Variants in NXN observed in about 807,000 individuals in gnomAD.
The protein encoded by NXN is nucleoredoxin.
Under a neutral mutation model 48.6 loss-of-function variants are expected in NXN, and 16 were observed. The observed-to-expected ratio is 0.33, with a 90% CI of 0.22 to 0.50. NXN has a LOEUF of 0.50. NXN is among the 20% of genes least tolerant of loss of function. The pLI is 0.98. For synonymous variants in NXN, 281 were observed against 269.6 expected (o/e 1.04, Z -0.41); for missense variants, 492 against 605.5 (o/e 0.81, Z 1.97).
chr17:818,623 C>A (rs1295783892), intron 5 of NXN, among the ~76,000 whole-genome samples: 4 of 152,318 alleles, frequency 2.6e-5, no homozygotes, highest in Middle Eastern at 3.4e-3. Context: ...CAGTGGCTCA[C>A]GCCTGTCATC....
chr17:853,723 A>ATATATATATTTTTT (rs1491528474), intron 1 of NXN, among the ~76,000 whole-genome samples: 2 of 106,002 alleles, frequency 1.9e-5, no homozygotes, highest in African/African-American at 8.6e-5. Context: ...ATATATATAT[A>ATATATATATTTTTT]TTTTTTTTTT....
In NXN at chr17:979,655, C is replaced by G; in HGVS notation, c.24G>C (p.Leu8=). The change falls in exon 1 of 8, where the codon CTG becomes CTC. Residue 8 remains leucine (L), a synonymous_variant. Coordinates refer to ENST00000336868, the MANE Select transcript of NXN (RefSeq NM_022463.5). ...CGCCCGTCACCAGCTTCTCGCCGAG[C>G]AGCTCCTCCAGGAAGCCCGACATCC... MSGFLEE[L]LGEKLVTGGG... is the part of the protein sequence containing the mutation. The G allele has an allele frequency of 1.4e-6, 2 of 1,472,132 alleles. No homozygotes were observed. The highest frequency in any genetic ancestry group is 1.8e-6 in the Non-Finnish European group (2 of 1,111,418). 91.2% of individuals were successfully genotyped at this position (1,472,132 alleles called of 1,614,324 possible).
chr17:926,062 A>C (rs771909350), intron 1 of NXN, among the ~76,000 whole-genome samples: 17 of 152,228 alleles, frequency 1.1e-4, no homozygotes, highest in Non-Finnish European at 2.1e-4. Context: ...GCTGCAATGC[A>C]AATCTATGTC....
At chr17:836,664 T>G (rs911619470) in intron 1 of NXN, among the ~76,000 whole-genome samples, 3 of 152,186 alleles carry the variant, frequency 2.0e-5, no homozygotes, top group African/African-American at 7.2e-5. Context: ...GTGAGGTATC[T>G]CACCGTCTCT....
chr17:948,479 G>A (rs2069070733), intron 1 of NXN, among the ~76,000 whole-genome samples: 1 of 152,064 alleles, frequency 6.6e-6, no homozygotes, highest in African/African-American at 2.4e-5. Context: ...GGGTAGGAGC[G>A]GCCCTGGGAC....
Position 964,906 on chromosome 17 carries a change from G to A in NXN, c.360+14413C>T, listed in dbSNP as rs573628649. Among the ~76,000 whole-genome samples the A allele has an allele frequency of 5.9e-5, 9 of 152,300 alleles. No homozygotes were observed. In the East Asian group the frequency reaches 7.7e-4, roughly 13 times the overall value. On this transcript the variant is annotated intron_variant, in intron 1 of 7. Transcript: ENST00000336868. ...GCGGGCTTCGCATCCTGTGTGTGACGGAGAGAATGGTATTAAGAAAAAGAC... is the reference window on the plus strand; with the variant it reads ...GCGGGCTTCGCATCCTGTGTGTGACAGAGAGAATGGTATTAAGAAAAAGAC...
chr17:971,346 A>C (rs1207083593), intron 1 of NXN, among the ~76,000 whole-genome samples: 1 of 152,184 alleles, frequency 6.6e-6, no homozygotes, highest in African/African-American at 2.4e-5. Context: ...CCAGTTGCAC[A>C]AGAAGCTGCT....
intron 1 of NXN, among the ~76,000 whole-genome samples, chr17:895,612 A>C (rs1438085465): frequency 4.0e-5 from 6 of 149,484 alleles, no homozygotes; most frequent in Non-Finnish European, 8.9e-5. Flanking sequence ...GGAGATCAAG[A>C]CCATCCTGGC....
chr17:812,322 T>TA (rs1463482349), intron 5 of NXN, among the ~76,000 whole-genome samples: 1 of 152,180 alleles, frequency 6.6e-6, no homozygotes, highest in African/African-American at 2.4e-5. Context: ...TGCCCCAGTG[T>TA]AAGTCCAAAG....
chr17:842,451 C>T (rs1245861635), intron 1 of NXN: 6 of 929,406 alleles, frequency 6.5e-6, no homozygotes, highest in South Asian at 4.9e-5. Flanking sequence ...TCCGTGATCC[C>T]GGCGGGGAAG....
chr17:910,509 T>C (rs935501665), intron 1 of NXN, among the ~76,000 whole-genome samples: 6 of 152,122 alleles, frequency 3.9e-5, no homozygotes, highest in Admixed American at 2.6e-4. Flanking sequence ...TCTCAATGCA[T>C]AATATTGTCT....
At chr17:972,938 G>A (rs111679056) in intron 1 of NXN, among the ~76,000 whole-genome samples, 1 of 152,040 alleles carries the variant, frequency 6.6e-6, no homozygotes, top group African/African-American at 2.4e-5. Flanking sequence ...GGCTGAGGCA[G>A]GAGAATGGCA....
At chr17:845,716 T>C (rs940652199) in intron 1 of NXN, among the ~76,000 whole-genome samples, 1 of 152,242 alleles carries the variant, frequency 6.6e-6, no homozygotes, top group Non-Finnish European at 1.5e-5. Context: ...GCCTGAGCCA[T>C]AGGCAGGCGG....
At chr17:872,604 G>A (rs538401503) in intron 1 of NXN, among the ~76,000 whole-genome samples, 132 of 148,580 alleles carry the variant, frequency 8.9e-4, no homozygotes, top group Non-Finnish European at 1.3e-3. Flanking sequence ...CTATGTTTCC[G>A]GGTGAGATCT....
chr17:817,784 T>TCAATACAG (rs1216588092), intron 5 of NXN, among the ~76,000 whole-genome samples: 1 of 151,752 alleles, frequency 6.6e-6, no homozygotes, highest in Non-Finnish European at 1.5e-5. Context: ...TGCTGAGAAC[T>TCAATACAG]CAATTATTAG....
rs1168277517 is a variant in NXN at position 825,367 on chromosome 17, G to A, written c.478+594C>T. ...TCTTCTCACTGGACGGATTAAGTGA[G>A]GGGAGGAGATCTCACAGCCCTGTTC... is the stretch of plus-strand genomic sequence containing the variant. On this transcript the variant is annotated intron_variant, in intron 2 of 7. Coordinates refer to ENST00000336868, the MANE Select transcript of NXN (RefSeq NM_022463.5). The surrounding 1 kb of genome is among the most constrained non-coding windows in gnomAD (Gnocchi z 4.1). Among the ~76,000 whole-genome samples, 2 of 152,188 alleles carry A rather than the reference G, an allele frequency of 1.3e-5. No individual in the cohort carries two copies. The highest frequency in any genetic ancestry group is 2.9e-5 in the Non-Finnish European group (2 of 68,030).
At chr17:829,532 C>T (rs1373248779) in intron 1 of NXN, among the ~76,000 whole-genome samples, 1 of 151,074 alleles carries the variant, frequency 6.6e-6, no homozygotes, top group Non-Finnish European at 1.5e-5. Context: ...AATACATGTG[C>T]CATGGTAGTT....
intron 1 of NXN, among the ~76,000 whole-genome samples, chr17:963,210 GACGGAC>G (rs1290246319): frequency 1.4e-5 from 2 of 141,140 alleles, no homozygotes; most frequent in African/African-American, 5.4e-5. Flanking sequence ...TAGGTACTGG[GACGGAC>G]ACACACACAC....
Position 810,996 on chromosome 17 carries a change from T to A in NXN, c.821-5749A>T, listed in dbSNP as rs535395532. On this transcript the variant is annotated intron_variant, in intron 5 of 7. Coordinates refer to ENST00000336868, the MANE Select transcript of NXN (RefSeq NM_022463.5). ...AAACATGCAATCTCCAAATGTTTCA[T>A]TTTTATATAAACAGATTCTGCCTCA... 2.0e-3 allele frequency among the ~76,000 whole-genome samples: 301 copies of A among 152,292 alleles called. 1 individual carries two copies. Among genetic ancestry groups the A allele is most frequent in the Non-Finnish European group, 3.3e-3 (225 of 68,034 alleles).
Sources: allele counts gnomAD v4.1 joint callset (sites outside exome capture counted in the v4.1 genomes callset), GRCh38; gene constraint gnomAD v4.1.1; non-coding constraint Gnocchi (gnomAD v3.1); transcripts MANE v1.5; gene names NCBI Gene and HGNC (gene_info 2026-07-23, HGNC 2026-07-21).